Variants in PTPRM observed in about 807,000 individuals in gnomAD.
The protein encoded by PTPRM is receptor-type tyrosine-protein phosphatase mu.
A neutral mutation model predicts 186.7 loss-of-function variants in PTPRM; 47 were observed. The observed-to-expected ratio is 0.25, with a 90% CI of 0.20 to 0.32. The LOEUF is 0.32. PTPRM is among the 10% of genes least tolerant of loss of function. The pLI is 1.00. For missense variants in PTPRM, 1,494 were observed against 1,865.0 expected (o/e 0.80, Z 3.66); for synonymous variants, 668 against 674.9 (o/e 0.99, Z 0.16).
In PTPRM at chr18:8,108,295, C is replaced by T. The variant is rs193260194; in HGVS notation, c.1857-5191C>T. Among the ~76,000 whole-genome samples the T allele has an allele frequency of 3.9e-3, 598 of 151,946 alleles. 1 individual carries two copies. The highest frequency in any genetic ancestry group is 6.8e-3 in the Middle Eastern group (2 of 294). ...GATAAAATGAACAATATTCTAAGTC[C>T]CTGAAATGATCAGAAGTGCCTGTTT... On this transcript the variant is annotated intron_variant, in intron 11 of 32. Coordinates refer to ENST00000580170, the MANE Select transcript of PTPRM (RefSeq NM_001105244.2).
intron 13 of PTPRM, among the ~76,000 whole-genome samples, chr18:8,131,296 C>T (rs1157948063): frequency 6.6e-6 from 1 of 152,200 alleles, no homozygotes; most frequent in Non-Finnish European, 1.5e-5. Flanking sequence ...TGTGATGAGT[C>T]TCCCACTGAT....
At chr18:7,788,433 G>T (rs1050492708) in intron 2 of PTPRM, among the ~76,000 whole-genome samples, 1 of 152,146 alleles carries the variant, frequency 6.6e-6, no homozygotes, top group African/African-American at 2.4e-5. Flanking sequence ...TTAGAATTAG[G>T]TGTAGGCTTT....
At chr18:8,279,488 G>A (rs1434574524) in intron 19 of PTPRM, among the ~76,000 whole-genome samples, 1 of 152,176 alleles carries the variant, frequency 6.6e-6, no homozygotes, top group Non-Finnish European at 1.5e-5. Flanking sequence ...AACAGCCGGA[G>A]TAAGCTCCCT....
intron 2 of PTPRM, among the ~76,000 whole-genome samples, chr18:7,842,855 G>GAT (rs1181184078): frequency 7.5e-6 from 1 of 132,454 alleles, no homozygotes; most frequent in East Asian, 2.2e-4. Context: ...GAGAGAGAGA[G>GAT]AGAAACATAT....
chr18:8,249,848 A>T (rs1370572676), intron 17 of PTPRM, among the ~76,000 whole-genome samples: 8 of 152,224 alleles, frequency 5.3e-5, no homozygotes, highest in Non-Finnish European at 7.3e-5. Context: ...ATTGTAAAAA[A>T]TAAGTCACCC....
chr18:8,259,662 G>A (rs1427269275), intron 19 of PTPRM, among the ~76,000 whole-genome samples: 1 of 146,632 alleles, frequency 6.8e-6, no homozygotes, highest in East Asian at 2.0e-4. Context: ...TTTTTTTTTT[G>A]TGACTTAGTC....
chr18:7,854,199 G>C (rs1296080209), intron 2 of PTPRM, among the ~76,000 whole-genome samples: 1 of 152,170 alleles, frequency 6.6e-6, no homozygotes, highest in Non-Finnish European at 1.5e-5. Flanking sequence ...CCATTTTCCA[G>C]TAATTGTCTT....
intron 3 of PTPRM, among the ~76,000 whole-genome samples, chr18:7,897,558 G>T (rs776211201): frequency 3.3e-5 from 5 of 152,246 alleles, no homozygotes; most frequent in Admixed American, 2.0e-4. Context: ...GTTTAATATT[G>T]ACTTAGAACT....
intron 1 of PTPRM, among the ~76,000 whole-genome samples, chr18:7,696,163 G>C (rs770805079): frequency 6.6e-5 from 10 of 151,846 alleles, no homozygotes; most frequent in South Asian, 2.1e-4. Flanking sequence ...GCCTTTTCAG[G>C]GTTTTTTCTT....
At chr18:7,810,143 G>T (rs1460402712) in intron 2 of PTPRM, among the ~76,000 whole-genome samples, 1 of 152,098 alleles carries the variant, frequency 6.6e-6, no homozygotes, top group African/African-American at 2.4e-5. Flanking sequence ...AACACCCCTC[G>T]CACCTACCCG....
At chr18:7,583,775 G>A (rs1350801188) in intron 1 of PTPRM, among the ~76,000 whole-genome samples, 3 of 152,104 alleles carry the variant, frequency 2.0e-5, no homozygotes, top group African/African-American at 7.2e-5. Flanking sequence ...TTTTCCATCC[G>A]AATATCTGTT....
chr18:7,697,297 G>A (rs986715929), intron 1 of PTPRM, among the ~76,000 whole-genome samples: 3 of 152,148 alleles, frequency 2.0e-5, no homozygotes, highest in African/African-American at 7.2e-5. Flanking sequence ...GCATACCTCG[G>A]TACCTGGTTA....
intron 2 of PTPRM, among the ~76,000 whole-genome samples, chr18:7,884,742 G>A (rs965612174): frequency 1.3e-5 from 2 of 151,802 alleles, no homozygotes; most frequent in Non-Finnish European, 2.9e-5. Flanking sequence ...GACCAACATG[G>A]TGAAACCTTG....
intron 4 of PTPRM, among the ~76,000 whole-genome samples, chr18:7,919,109 G>A (rs72893389): frequency 0.043 from 6,483 of 152,180 alleles, 202 homozygotes; most frequent in Non-Finnish European, 0.069. Context: ...CTACAAATGC[G>A]TAGATTTATT....
intron 1 of PTPRM, among the ~76,000 whole-genome samples, chr18:7,700,097 G>A (rs960548806): frequency 6.6e-6 from 1 of 152,164 alleles, no homozygotes; most frequent in Non-Finnish European, 1.5e-5. Context: ...GTATGTGTTA[G>A]AATATGCAAT....
chr18:8,203,505 A>C (rs1374307533), intron 14 of PTPRM, among the ~76,000 whole-genome samples: 1 of 152,208 alleles, frequency 6.6e-6, no homozygotes, highest in Non-Finnish European at 1.5e-5. Context: ...AGCAAAATGA[A>C]AAGTTTAAAA....
intron 5 of PTPRM, among the ~76,000 whole-genome samples, chr18:7,948,351 AAAATCTCTAACCTGCTTTTGAGACTTT>A (rs2052697177): frequency 6.6e-6 from 1 of 152,142 alleles, no homozygotes; most frequent in African/African-American, 2.4e-5. Flanking sequence ...AGAGAGAACT[AAAATCTCTAACCTGCTTTTGAGACTTT>A]AAATCTCTAA....
intron 1 of PTPRM, among the ~76,000 whole-genome samples, chr18:7,613,350 A>AT (rs1390679152): frequency 1.3e-5 from 2 of 152,168 alleles, no homozygotes; most frequent in African/African-American, 4.8e-5. Flanking sequence ...ATGCTCAATA[A>AT]TGATTTCAGT....
chr18:8,282,461 G>A (rs1027636920), intron 19 of PTPRM, among the ~76,000 whole-genome samples: 5 of 152,104 alleles, frequency 3.3e-5, no homozygotes, highest in Admixed American at 1.3e-4. Flanking sequence ...CCAGGAGTTC[G>A]AGACCAGCCT....
Sources: allele counts gnomAD v4.1 joint callset (sites outside exome capture counted in the v4.1 genomes callset), GRCh38; gene constraint gnomAD v4.1.1; transcripts MANE v1.5; gene names NCBI Gene and HGNC (gene_info 2026-07-23, HGNC 2026-07-21).